OTC: variants seen among roughly 807,000 people sequenced by gnomAD.
OTC encodes the protein ornithine transcarbamylase, mitochondrial.
In OTC, 3 loss-of-function variants were observed where a neutral mutation model predicts 30.3. The observed-to-expected ratio is 0.10, with a 90% CI of 0.05 to 0.26. The LOEUF (loss-of-function observed/expected upper bound fraction) is 0.26, where lower values mean the gene tolerates loss of function less well. Ranked by LOEUF, OTC falls within the 10% of genes least tolerant of loss-of-function variation. The probability of loss-of-function intolerance (pLI) is 1.00; values close to 1 mark genes in which losing one functional copy is unlikely to be tolerated. For missense variants in OTC, 194 were observed against 260.3 expected (o/e 0.75, Z 1.75); for synonymous variants, 111 against 99.7 (o/e 1.11, Z -0.67).
the OTC span, among the ~76,000 whole-genome samples, chrX:38,341,090 G>A: frequency 5.4e-4 from 60 of 111,608 alleles, no homozygotes; most frequent in African/African-American, 9.8e-4. Flanking sequence ...GAACCACTGC[G>A]CCCAGCCAGT....
intron 3 of OTC, among the ~76,000 whole-genome samples, chrX:38,381,060 G>T (rs2068373683): frequency 8.9e-6 from 1 of 112,149 alleles, no homozygotes; most frequent in South Asian, 3.7e-4. Flanking sequence ...CCAAAACCAG[G>T]CATAGCCCCA....
intron 1 of OTC, among the ~76,000 whole-genome samples, chrX:38,354,911 A>G (rs1272887345): frequency 8.9e-6 from 1 of 111,798 alleles, no homozygotes; most frequent in East Asian, 2.8e-4. Context: ...TCAACAACAG[A>G]GAAAAACTCC....
At chrX:38,409,834 G>A (rs1214081361) in intron 8 of OTC, among the ~76,000 whole-genome samples, 1 of 111,935 alleles carries the variant, frequency 8.9e-6, no homozygotes, top group Non-Finnish European at 1.9e-5. Context: ...GTTCTTTATT[G>A]TTATATATAA....
chrX:38,384,831 G>A (rs776727132), intron 4 of OTC, among the ~76,000 whole-genome samples: 10 of 111,860 alleles, frequency 8.9e-5, no homozygotes, highest in Non-Finnish European at 1.9e-4. Context: ...AAAGAAAACC[G>A]GGCCAGTCTC....
At chrX:38,365,204 T>A (rs760933799) in intron 1 of OTC, among the ~76,000 whole-genome samples, 56 of 113,075 alleles carry the variant, frequency 5.0e-4, no homozygotes, top group Non-Finnish European at 9.6e-4. Flanking sequence ...AAAATTAATG[T>A]TTAGTACACG....
chrX:38,403,922 A>G (rs2068503564), intron 6 of OTC, among the ~76,000 whole-genome samples, 182 bp downstream of exon 6: 1 of 112,384 alleles, frequency 8.9e-6, no homozygotes, highest in South Asian at 3.6e-4. Context: ...CCAATTTCCC[A>G]TCTCTACAAT....
intron 4 of OTC, among the ~76,000 whole-genome samples, chrX:38,389,022 ATCCTTGGCAT>A (rs1246311093): frequency 8.9e-6 from 1 of 111,748 alleles, no homozygotes; most frequent in Non-Finnish European, 1.9e-5. Context: ...GCTTTCAGTC[ATCCTTGGCAT>A]TCCTTGGCAT....
the OTC span, among the ~76,000 whole-genome samples, chrX:38,329,625 AT>A: frequency 8.9e-6 from 1 of 111,798 alleles, no homozygotes; most frequent in Non-Finnish European, 1.9e-5. Context: ...AGTATCTCTG[AT>A]TAGTTGCTTT....
At chrX:38,339,159 T>A in the OTC span, among the ~76,000 whole-genome samples, 3 of 112,051 alleles carry the variant, frequency 2.7e-5, no homozygotes, top group African/African-American at 9.7e-5. Context: ...ACTTCAACAC[T>A]TGCTTTCTTT....
At chrX:38,399,670 C>T (rs73198449) in intron 4 of OTC, among the ~76,000 whole-genome samples, 19,211 of 109,989 alleles carry the variant, frequency 0.17, 1,406 homozygotes, top group Middle Eastern at 0.23. Context: ...TCGATTGTAC[C>T]TGGGAGGAGG....
intron 3 of OTC, among the ~76,000 whole-genome samples, chrX:38,378,179 A>G (rs2068358398): frequency 1.0e-5 from 1 of 98,151 alleles, no homozygotes; most frequent in Admixed American, 1.2e-4. Flanking sequence ...TTCACACAGG[A>G]ACTTTGCACA....
chrX:38,400,150 C>G lies in OTC; in HGVS notation c.387-1125C>G, dbSNP rs745633848. 2.7e-5 allele frequency among the ~76,000 whole-genome samples: 3 copies of G among 111,207 alleles called. No homozygotes were observed. In the South Asian group the frequency reaches 1.2e-3, roughly 43 times the overall value. On this transcript the variant is annotated intron_variant, in intron 4 of 9. Coordinates refer to ENST00000039007, the MANE Select transcript of OTC (RefSeq NM_000531.6). ...CCTGTTTATTTGCTTTTCTCATGCT[C>G]TTAATTTGGTAAATAAAGAGTTGCA... is the stretch of plus-strand genomic sequence containing the variant.
At chrX:38,343,080 G>A in the OTC span, among the ~76,000 whole-genome samples, 1 of 112,324 alleles carries the variant, frequency 8.9e-6, no homozygotes, top group Non-Finnish European at 1.9e-5. Flanking sequence ...CATTCACCAA[G>A]CAGTGACTTT....
At chrX:38,349,820 A>G (rs1440279711), upstream of OTC, among the ~76,000 whole-genome samples, 1 of 111,997 alleles carries the variant, frequency 8.9e-6, no homozygotes, top group Admixed American at 9.5e-5. Flanking sequence ...TGCCAAGGGG[A>G]TATAAACAAG....
In OTC at chrX:38,413,673, T is replaced by TG. The variant is rs202001820; in HGVS notation, c.1005+1674_1005+1675insG. 9.6e-3 allele frequency among the ~76,000 whole-genome samples: 993 copies of TG among 103,245 alleles called. 8 individuals are homozygous for TG. Among genetic ancestry groups the TG allele is most frequent in the Non-Finnish European group, 0.015 (750 of 51,453 alleles). The allele number at this position is 103,245 out of a possible 115,157, so 89.7% of individuals were successfully genotyped here. On this transcript the variant is annotated intron_variant, in intron 9 of 9. Transcript: ENST00000039007. ...TGAGATTTGGCACATCTATTTTTTT[T>TG]TTTTGTTTTTTTTTGAGATAGAGTC...
intron 4 of OTC, among the ~76,000 whole-genome samples, chrX:38,389,864 G>A (rs1386493319): frequency 9.0e-6 from 1 of 111,351 alleles, no homozygotes; most frequent in Non-Finnish European, 1.9e-5. Context: ...TGCATTATAT[G>A]AGGGTAAATG....
chrX:38,395,948 C>T (rs1306550949), intron 4 of OTC: 1 of 107,097 alleles, frequency 9.3e-6, no homozygotes, highest in Non-Finnish European at 1.9e-5. Context: ...AGAGAGCAGC[C>T]GTATTTTTAT....
intron 4 of OTC, among the ~76,000 whole-genome samples, chrX:38,386,015 A>G (rs915410052): frequency 5.5e-5 from 6 of 109,906 alleles, no homozygotes; most frequent in Non-Finnish European, 7.6e-5. Context: ...TGAGCCCAGG[A>G]GGCAGAGGTT....
At chrX:38,379,543 T>A (rs1300985492) in intron 3 of OTC, among the ~76,000 whole-genome samples, 1 of 112,168 alleles carries the variant, frequency 8.9e-6, no homozygotes, top group Non-Finnish European at 1.9e-5. Flanking sequence ...AAGAGAACAC[T>A]TTTGAGTATA....
Sources: gnomAD v4.1 joint callset for allele counts (sites outside exome capture counted in the v4.1 genomes callset) on GRCh38, gnomAD v4.1.1 for gene constraint, MANE v1.5 for transcripts, NCBI Gene and HGNC (gene_info 2026-07-23, HGNC 2026-07-21) for gene names.